TLK2: variants seen among roughly 807,000 people sequenced by gnomAD.
The protein encoded by TLK2 is tousled like kinase 2, also known as serine/threonine-protein kinase tousled-like 2.
In TLK2, 6 loss-of-function variants were observed where a neutral mutation model predicts 117.3. That is an observed-to-expected ratio of 0.05 (90% CI 0.03 to 0.10). TLK2 has a LOEUF of 0.10. Among genes scored for constraint, TLK2 ranks in the 10% least tolerant of loss-of-function variants. The pLI, the probability that TLK2 is intolerant of heterozygous loss-of-function variation, is 1.00. For missense variants in TLK2, 299 were observed against 901.2 expected (o/e 0.33, Z 8.56); for synonymous variants, 257 against 316.7 (o/e 0.81, Z 2.00).
intron 18 of TLK2, among the ~76,000 whole-genome samples, chr17:62,601,785 G>T (rs533973979): frequency 6.6e-6 from 1 of 152,294 alleles, no homozygotes; most frequent in South Asian, 2.1e-4. Context: ...ACTTTGGCCA[G>T]TTATTTTTAT....
intron 17 of TLK2, 22 bp downstream of exon 17, chr17:62,596,696 C>A: frequency 6.3e-7 from 1 of 1,594,840 alleles, no homozygotes; most frequent in East Asian, 2.2e-5. Flanking sequence ...GCTGTTTTAC[C>A]TTAACAGTTA....
intron 2 of TLK2, among the ~76,000 whole-genome samples, chr17:62,484,865 G>A (rs2072150113): frequency 6.6e-6 from 1 of 151,896 alleles, no homozygotes; most frequent in East Asian, 2.0e-4. Context: ...GACCATCCTG[G>A]CTAACACGGT....
chr17:62,491,073 A>C (rs2144689397), intron 2 of TLK2, among the ~76,000 whole-genome samples: 1 of 152,124 alleles, frequency 6.6e-6, no homozygotes, highest in South Asian at 2.1e-4. Context: ...GTGTCTCTGG[A>C]TTCTTGACTT....
At chr17:62,525,005 T>A (rs1040006920) in intron 6 of TLK2, among the ~76,000 whole-genome samples, 22 of 152,190 alleles carry the variant, frequency 1.4e-4, no homozygotes, top group African/African-American at 5.1e-4. Context: ...GTCCAAAATA[T>A]CAGTGGTGCC....
chr17:62,564,738 A>C (rs772407694), intron 10 of TLK2, among the ~76,000 whole-genome samples: 8 of 151,774 alleles, frequency 5.3e-5, no homozygotes, highest in East Asian at 1.9e-4. Context: ...AACCAACCAA[A>C]CAAACAAAAA....
chr17:62,581,465 G>A lies in TLK2; in HGVS notation c.1368+1273G>A, dbSNP rs1472810762. 3.2e-5 allele frequency among the ~76,000 whole-genome samples: 4 copies of A among 123,664 alleles called. No individual in the cohort carries two copies. The East Asian group carries it at 7.0e-4, about 22-fold the overall frequency. 81.1% of individuals were successfully genotyped at this position (123,664 alleles called of 152,430 possible). ...TTTTTTTTTTTTTTTTGGAGACATTGTCTCACTCTGACACCCAGGCTAGAG... is the reference window on the plus strand; with the variant it reads ...TTTTTTTTTTTTTTTTGGAGACATTATCTCACTCTGACACCCAGGCTAGAG... On this transcript the variant is annotated intron_variant, in intron 15 of 21. Coordinates refer to ENST00000346027, the MANE Select transcript of TLK2 (RefSeq NM_006852.6).
At chr17:62,503,052 C>CTTTTT (rs535547546) in intron 2 of TLK2, among the ~76,000 whole-genome samples, 34 of 87,158 alleles carry the variant, frequency 3.9e-4, no homozygotes, top group Non-Finnish European at 4.9e-4. Context: ...TTTGGCTTAA[C>CTTTTT]TTTTTTTTTT....
At chr17:62,598,035 G>C (rs1342870383) in intron 17 of TLK2, among the ~76,000 whole-genome samples, 1 of 152,150 alleles carries the variant, frequency 6.6e-6, no homozygotes, top group African/African-American at 2.4e-5. Context: ...ACCCCAAAGA[G>C]GACTATAATT....
At chr17:62,593,583 C>T (rs1194369373) in intron 16 of TLK2, among the ~76,000 whole-genome samples, 1 of 151,896 alleles carries the variant, frequency 6.6e-6, no homozygotes, top group Non-Finnish European at 1.5e-5. Context: ...ACTCATTAGC[C>T]TAGGCTTGCA....
At chr17:62,571,747 C>A (rs1221922199) in intron 11 of TLK2, among the ~76,000 whole-genome samples, 3 of 152,126 alleles carry the variant, frequency 2.0e-5, no homozygotes. Flanking sequence ...GGGTATCTAC[C>A]TTAGAGTAAT....
chr17:62,472,134 C>CT (rs1447343672), intron 1 of TLK2, among the ~76,000 whole-genome samples: 6 of 151,312 alleles, frequency 4.0e-5, no homozygotes, highest in African/African-American at 1.5e-4. Flanking sequence ...TCTTGATCTC[C>CT]TGACCTCGTG....
At chr17:62,529,916 C>T (rs758668064) in intron 6 of TLK2, among the ~76,000 whole-genome samples, 5 of 151,930 alleles carry the variant, frequency 3.3e-5, no homozygotes, top group East Asian at 1.9e-4. Context: ...CACATACCGC[C>T]GGGCGTGGTG....
intron 11 of TLK2, among the ~76,000 whole-genome samples, chr17:62,566,488 T>C (rs2079806661): frequency 6.6e-6 from 1 of 152,184 alleles, no homozygotes; most frequent in Non-Finnish European, 1.5e-5. Context: ...TCCTCATGTG[T>C]GTATATTTTG....
chr17:62,499,425 G>A (rs928102486), intron 2 of TLK2, among the ~76,000 whole-genome samples: 13 of 151,728 alleles, frequency 8.6e-5, no homozygotes, highest in Admixed American at 2.0e-4. Context: ...TCAGCCTCCC[G>A]GAGTGTTGGG....
At position 62,540,400 on chromosome 17, in the gene TLK2, A is replaced by ATTTTTTTTTTTTTTTTTT. The variant is rs534202077; in HGVS notation, c.531+4069_531+4086dup. ...ATTTTACCTTCAAAATATGTTCAGAATTTTTTTTTTTTTTTTTTTTTTTGA... is the reference window on the plus strand; with the variant it reads ...ATTTTACCTTCAAAATATGTTCAGAATTTTTTTTTTTTTTTTTTTTTTTTTTTTTTTTTTTTTTTTTGA... On this transcript the variant is annotated intron_variant, in intron 7 of 21. Transcript: ENST00000346027. Among the ~76,000 whole-genome samples the ATTTTTTTTTTTTTTTTTT allele has an allele frequency of 2.6e-3, 51 of 19,968 alleles. 6 individuals are homozygous for ATTTTTTTTTTTTTTTTTT. Among genetic ancestry groups the ATTTTTTTTTTTTTTTTTT allele is most frequent in the East Asian group, 0.015 (2 of 132 alleles). The allele number at this position is 19,968 out of a possible 152,430, so 13.1% of individuals were successfully genotyped here.
At chr17:62,520,950 A>G in intron 3 of TLK2, 106 bp downstream of exon 3, 2 of 1,299,480 alleles carry the variant, frequency 1.5e-6, no homozygotes, top group South Asian at 2.4e-5. Flanking sequence ...AGGCGGGCAG[A>G]TTGCTTGAGG....
At chr17:62,489,203 A>G (rs866139614) in intron 2 of TLK2, among the ~76,000 whole-genome samples, 2 of 71,564 alleles carry the variant, frequency 2.8e-5, no homozygotes, top group Admixed American at 1.5e-4. Flanking sequence ...GTGTGTGTAA[A>G]TTTTTTTTTT....
intron 17 of TLK2, among the ~76,000 whole-genome samples, chr17:62,599,902 T>C (rs2082751075): frequency 6.6e-6 from 1 of 152,360 alleles, no homozygotes; most frequent in East Asian, 1.9e-4. Flanking sequence ...GATAGACACG[T>C]GACCTGTGAT....
At chr17:62,590,053 C>T (rs1414054594) in intron 16 of TLK2, among the ~76,000 whole-genome samples, 5 of 150,134 alleles carry the variant, frequency 3.3e-5, no homozygotes, top group East Asian at 2.0e-4. Flanking sequence ...GTGATCCATC[C>T]GCCTCAGCCT....
Sources: gnomAD v4.1 joint callset for allele counts (sites outside exome capture counted in the v4.1 genomes callset) on GRCh38, gnomAD v4.1.1 for gene constraint, MANE v1.5 for transcripts, NCBI Gene and HGNC (gene_info 2026-07-23, HGNC 2026-07-21) for gene names.